The following ARHGEF6 variants were observed in gnomAD, a reference collection of about 807,000 sequenced individuals.
ARHGEF6 encodes Rac/Cdc42 guanine nucleotide exchange factor 6.
Under a neutral mutation model 70.3 loss-of-function variants are expected in ARHGEF6, and 9 were observed. The ratio of observed to expected loss-of-function variants is 0.13; its 90% CI spans 0.08 to 0.22. The LOEUF is 0.22. Ranked by LOEUF, ARHGEF6 falls within the 10% of genes least tolerant of loss-of-function variation. The pLI is 1.00. For synonymous variants in ARHGEF6, 201 were observed against 207.8 expected (o/e 0.97, Z 0.28); for missense variants, 470 against 563.0 (o/e 0.83, Z 1.67).
intron 9 of ARHGEF6, among the ~76,000 whole-genome samples, chrX:136,703,895 T>C (rs2076601312): frequency 8.9e-6 from 1 of 112,832 alleles, no homozygotes; most frequent in African/African-American, 3.2e-5. Flanking sequence ...TAATAGACTA[T>C]ACAGTAGAGT....
At chrX:136,739,450 C>G (rs1241593541) in intron 5 of ARHGEF6, among the ~76,000 whole-genome samples, 1 of 111,793 alleles carries the variant, frequency 8.9e-6, no homozygotes, top group Non-Finnish European at 1.9e-5. Context: ...AGGAGGTACT[C>G]AGTGAACAAG....
At chrX:136,717,260 G>A (rs1309771839) in intron 6 of ARHGEF6, among the ~76,000 whole-genome samples, 1 of 112,203 alleles carries the variant, frequency 8.9e-6, no homozygotes, top group African/African-American at 3.2e-5. Flanking sequence ...TCAAATAAAA[G>A]TTACATCTGA....
chrX:136,682,875 A>C, intron 12 of ARHGEF6, 31 bp from the exon 13 acceptor site: 1 of 1,057,589 alleles, frequency 9.5e-7, no homozygotes, highest in Non-Finnish European at 1.3e-6. Context: ...TACATGAAGA[A>C]CAGAATTGGA....
intron 12 of ARHGEF6, among the ~76,000 whole-genome samples, chrX:136,683,247 A>G (rs1288538407): frequency 8.9e-6 from 1 of 112,416 alleles, no homozygotes; most frequent in Non-Finnish European, 1.9e-5. Context: ...TCAGGTGATA[A>G]GAGATTTAGT....
At chrX:136,714,856 A>G (rs745507250) in intron 6 of ARHGEF6, among the ~76,000 whole-genome samples, 2 of 111,812 alleles carry the variant, frequency 1.8e-5, no homozygotes, top group South Asian at 7.6e-4. Flanking sequence ...ATGAAGATGT[A>G]GTGACACACT....
In ARHGEF6 at chrX:136,767,246, C is replaced by G. The variant is rs747799825; in HGVS notation, c.249+12168G>C. The stretch of plus-strand genomic sequence containing the variant: ...TCGCCCTCCCGAGTCACGGGGCCGG[C>G]GAGCGGGCGGGCAAGCCTGTGCCAA... On this transcript the variant is annotated intron_variant, in intron 2 of 21. Coordinates refer to ENST00000250617, the MANE Select transcript of ARHGEF6 (RefSeq NM_004840.3). 1.2e-4 allele frequency: 89 copies of G among 753,917 alleles called. No homozygotes were observed. The East Asian group carries it at 9.0e-3, about 76-fold the overall frequency. 62.1% of individuals were successfully genotyped at this position (753,917 alleles called of 1,213,427 possible). A position where few individuals can be genotyped will look rare whatever the true frequency, so the allele number is the denominator to read the frequency against.
Position 136,699,389 on chromosome X carries a change from T to A in ARHGEF6, c.1046+7519A>T, listed in dbSNP as rs1371975778. On this transcript the variant is annotated intron_variant, in intron 9 of 21. Transcript: ENST00000250617. Reference sequence around the variant, plus strand: ...AGTGAAATATTATAGAGAAAATTTATAACAAAAACGTTTAAAATAATAAAA... The same window carrying A: ...AGTGAAATATTATAGAGAAAATTTAAAACAAAAACGTTTAAAATAATAAAA... 9.0e-5 allele frequency among the ~76,000 whole-genome samples: 10 copies of A among 110,944 alleles called. No individual in the cohort carries two copies. The Admixed American group carries it at 9.6e-4, about 11-fold the overall frequency.
At chrX:136,686,439 T>C (rs1466277123) in intron 11 of ARHGEF6, among the ~76,000 whole-genome samples, 1 of 107,119 alleles carries the variant, frequency 9.3e-6, no homozygotes, top group Non-Finnish European at 1.9e-5. Context: ...AAAAAAATAC[T>C]AAATTAGTTT....
chrX:136,778,929 G>C (rs2077426698), intron 2 of ARHGEF6, among the ~76,000 whole-genome samples: 1 of 112,066 alleles, frequency 8.9e-6, no homozygotes, highest in African/African-American at 3.2e-5. Flanking sequence ...ACACTGTAGG[G>C]ATCCATATAA....
intron 2 of ARHGEF6, chrX:136,774,135 C>T (rs1173704125): frequency 9.0e-6 from 1 of 111,188 alleles, no homozygotes; most frequent in African/African-American, 3.3e-5. Context: ...TTTTTTTAAA[C>T]AATAAATATT....
At chrX:136,734,088 G>C (rs983842239) in intron 5 of ARHGEF6, among the ~76,000 whole-genome samples, 11 of 112,308 alleles carry the variant, frequency 9.8e-5, no homozygotes, top group Admixed American at 9.4e-5. Context: ...CAATGCTCAA[G>C]GCAGAACTGT....
chrX:136,691,316 C>T (rs1240230530), intron 9 of ARHGEF6, among the ~76,000 whole-genome samples: 2 of 111,445 alleles, frequency 1.8e-5, no homozygotes, highest in African/African-American at 3.3e-5. Flanking sequence ...GTCACTTAGC[C>T]CAATATCAAA....
At chrX:136,706,874 C>G (rs1359355958) in intron 9 of ARHGEF6, 34 bp downstream of exon 9, 8 of 1,210,256 alleles carry the variant, frequency 6.6e-6, no homozygotes, top group Non-Finnish European at 8.9e-6. Context: ...GAAAGGATCT[C>G]ATTGCAAAAG....
chrX:136,666,970 G>A lies in ARHGEF6; in HGVS notation c.*1059C>T, dbSNP rs1280264851. The A allele has an allele frequency of 1.8e-5, 2 of 112,471 alleles. No individual in the cohort carries two copies. Among genetic ancestry groups the A allele is most frequent in the African/African-American group, 3.2e-5 (1 of 30,960 alleles). The allele number at this position is 112,471 out of a possible 1,213,427, so 9.3% of individuals were successfully genotyped here. A position where few individuals can be genotyped will look rare whatever the true frequency, so the allele number is the denominator to read the frequency against. Reference sequence around the variant, plus strand: ...TTACAACTTCTCACAGCATATATGAGAGAGTAATAAAGTGAATGAAAGCTG... The same window carrying A: ...TTACAACTTCTCACAGCATATATGAAAGAGTAATAAAGTGAATGAAAGCTG... On this transcript the variant is annotated 3_prime_UTR_variant, in exon 22 of 22. Coordinates refer to ENST00000250617, the MANE Select transcript of ARHGEF6 (RefSeq NM_004840.3).
At chrX:136,753,798 G>A (rs1370293602) in intron 2 of ARHGEF6, among the ~76,000 whole-genome samples, 3 of 111,618 alleles carry the variant, frequency 2.7e-5, no homozygotes, top group Non-Finnish European at 3.8e-5. Context: ...CTTACAACCT[G>A]TTTACAAGCT....
chrX:136,748,638 G>A (rs1035559634), intron 2 of ARHGEF6, among the ~76,000 whole-genome samples: 1 of 111,796 alleles, frequency 8.9e-6, no homozygotes, highest in African/African-American at 3.3e-5. Context: ...TTTGTTCCAG[G>A]ATGTCTAGAA....
At chrX:136,777,224 C>CA (rs1413990428) in intron 2 of ARHGEF6, among the ~76,000 whole-genome samples, 3 of 110,819 alleles carry the variant, frequency 2.7e-5, no homozygotes, top group Non-Finnish European at 5.7e-5. Context: ...GACTCAGTCT[C>CA]AAAAAACAAA....
At chrX:136,680,454 T>C (rs1236733709) in intron 15 of ARHGEF6, among the ~76,000 whole-genome samples, 1 of 112,531 alleles carries the variant, frequency 8.9e-6, no homozygotes, top group African/African-American at 3.2e-5. Flanking sequence ...TAAAATATTT[T>C]AGCAGGACTT....
chrX:136,708,923 G>C (rs766982906), intron 7 of ARHGEF6, among the ~76,000 whole-genome samples, 153 bp from the exon 8 acceptor site: 2 of 112,139 alleles, frequency 1.8e-5, no homozygotes, highest in East Asian at 5.5e-4. Context: ...AGCTTCTTAA[G>C]CTTCTCCCCT....
Sources: allele counts gnomAD v4.1 joint callset (sites outside exome capture counted in the v4.1 genomes callset), GRCh38; gene constraint gnomAD v4.1.1; transcripts MANE v1.5; gene names NCBI Gene and HGNC (gene_info 2026-07-23, HGNC 2026-07-21).